Variants in RBPJ observed in about 807,000 individuals in gnomAD.
RBPJ encodes recombination signal binding protein for immunoglobulin kappa J region, also known as recombining binding protein suppressor of hairless.
A neutral mutation model predicts 67.8 loss-of-function variants in RBPJ; 9 were observed. The ratio of observed to expected loss-of-function variants is 0.13; its 90% CI spans 0.08 to 0.23. RBPJ has a LOEUF of 0.23. Among genes scored for constraint, RBPJ ranks in the 10% least tolerant of loss-of-function variants. The pLI, the probability that RBPJ is intolerant of heterozygous loss-of-function variation, is 1.00. For missense variants in RBPJ, 305 were observed against 595.6 expected, an observed-to-expected ratio of 0.51 and a Z score of 5.08; for synonymous variants, 198 against 203.3, an observed-to-expected ratio of 0.97 and a Z score of 0.22.
Position 26,363,810 on chromosome 4 carries a change from T to C in RBPJ, c.21-22543T>C, listed in dbSNP as rs558342991. On this transcript the variant is annotated intron_variant, in intron 1 of 10. Coordinates refer to ENST00000355476, the MANE Select transcript of RBPJ (RefSeq NM_015874.6). ...AACAATGTATGTATGCAGTTATTCA[T>C]GTGTTTGTGGTATATAGTTTTGCTG... is the stretch of plus-strand genomic sequence containing the variant. Among the ~76,000 whole-genome samples the C allele has an allele frequency of 1.5e-3, 232 of 152,360 alleles. 1 individual carries two copies. The highest frequency in any genetic ancestry group is 5.1e-3 in the African/African-American group (214 of 41,594).
At chr4:26,159,255 T>G (rs1371644939), upstream of RBPJ, among the ~76,000 whole-genome samples, 8 of 152,148 alleles carry the variant, frequency 5.3e-5, no homozygotes, top group Non-Finnish European at 1.0e-4. Context: ...TCTGAGGAAA[T>G]GGAGGCCTGG....
At chr4:26,411,855 C>T in intron 3 of RBPJ, among the ~76,000 whole-genome samples, 1 of 151,886 alleles carries the variant, frequency 6.6e-6, no homozygotes, top group South Asian at 2.1e-4. Context: ...CGCCTGTAAT[C>T]CCAGCACTTT....
At chr4:26,308,097 A>G (rs1055108692) in intron 1 of RBPJ, among the ~76,000 whole-genome samples, 1 of 152,210 alleles carries the variant, frequency 6.6e-6, no homozygotes, top group African/African-American at 2.4e-5. Flanking sequence ...TAACATGGTG[A>G]AACCCCGTCT....
At chr4:26,222,999 C>CA (rs1718965028) in intron 1 of RBPJ, among the ~76,000 whole-genome samples, 1 of 151,604 alleles carries the variant, frequency 6.6e-6, no homozygotes, top group East Asian at 1.9e-4. Context: ...ACTAAAAATA[C>CA]AAAAAATTAG....
the RBPJ span, among the ~76,000 whole-genome samples, chr4:26,109,631 T>A: frequency 3.0e-5 from 1 of 33,174 alleles, no homozygotes; most frequent in Non-Finnish European, 5.5e-5. Context: ...TTCCTCTCTC[T>A]CTCTCTCTCT....
At chr4:26,316,544 C>CATATATATT (rs1722637417), upstream of RBPJ, among the ~76,000 whole-genome samples, 1 of 138,790 alleles carries the variant, frequency 7.2e-6, no homozygotes, top group South Asian at 2.2e-4. Context: ...TATATATATT[C>CATATATATT]ATGTATATAT....
chr4:26,294,632 C>T (rs1006832141), intron 1 of RBPJ, among the ~76,000 whole-genome samples: 3 of 151,996 alleles, frequency 2.0e-5, no homozygotes, highest in African/African-American at 7.2e-5. Flanking sequence ...GTAATCTCAG[C>T]ATTTTGGGAG....
chr4:26,142,971 G>A, the RBPJ span, among the ~76,000 whole-genome samples: 1 of 152,212 alleles, frequency 6.6e-6, no homozygotes, highest in Non-Finnish European at 1.5e-5. Flanking sequence ...TAGTAGAGAT[G>A]GGGTTTCATC....
rs1163624896 is a variant in RBPJ at position 26,431,045 on chromosome 4, G to A, written c.*38G>A. Reference sequence around the variant, plus strand: ...TGCTAGGACTTAAACTGACTTGAGTGTGGCAAAAAGTTAACAAAAAAGGAG... The same window carrying A: ...TGCTAGGACTTAAACTGACTTGAGTATGGCAAAAAGTTAACAAAAAAGGAG... On this transcript the variant is annotated 3_prime_UTR_variant, in exon 11 of 11. Coordinates refer to ENST00000355476, the MANE Select transcript of RBPJ (RefSeq NM_015874.6). 4 of 1,544,850 alleles carry A rather than the reference G, an allele frequency of 2.6e-6. No individual in the cohort carries two copies. The highest frequency in any genetic ancestry group is 2.3e-5 in the East Asian group (1 of 44,242).
rs550053298 is a variant in RBPJ at position 26,389,553 on chromosome 4, C to T, written c.59+3162C>T. Among the ~76,000 whole-genome samples the T allele has an allele frequency of 6.7e-5, 9 of 133,498 alleles. No homozygotes were observed. In the South Asian group the frequency reaches 2.3e-3, roughly 35 times the overall value. The allele number at this position is 133,498 out of a possible 152,430, so 87.6% of individuals were successfully genotyped here. On this transcript the variant is annotated intron_variant, in intron 2 of 10. Coordinates refer to ENST00000355476, the MANE Select transcript of RBPJ (RefSeq NM_015874.6). ...AGCTACAGTGTTAAAATTCTTCAAG[C>T]AGAAGGATGATCATACTAGATAGAA...
At position 26,210,281 on chromosome 4, in the gene RBPJ, C is replaced by T. The variant is rs73112591; in HGVS notation, c.-167+46667C>T. 3.9e-3 allele frequency among the ~76,000 whole-genome samples: 592 copies of T among 152,214 alleles called. 6 individuals are homozygous for T. Among genetic ancestry groups the T allele is most frequent in the African/African-American group, 0.014 (573 of 41,522 alleles). On this transcript the variant is annotated intron_variant, in intron 1 of 4. Transcript: ENST00000512351. ...TGTAACTGCCGGTTCTTTCCCTTTC[C>T]GCACAGGATCCCCTCCTCTTCACTA...
At chr4:26,241,189 C>A (rs1719624207) in intron 1 of RBPJ, among the ~76,000 whole-genome samples, 1 of 150,262 alleles carries the variant, frequency 6.7e-6, no homozygotes, top group East Asian at 2.0e-4. Flanking sequence ...AGAGCAAGAC[C>A]CTGTCTCCAA....
At chr4:26,160,165 G>A (rs1174874641), upstream of RBPJ, among the ~76,000 whole-genome samples, 4 of 152,094 alleles carry the variant, frequency 2.6e-5, no homozygotes, top group African/African-American at 7.2e-5. Context: ...TGATCTGCCC[G>A]CCTCGGCCTC....
intron 1 of RBPJ, among the ~76,000 whole-genome samples, chr4:26,224,474 T>C (rs1356657006): frequency 2.0e-5 from 3 of 152,156 alleles, no homozygotes; most frequent in Non-Finnish European, 4.4e-5. Flanking sequence ...TTCTTTTCTA[T>C]TTTCCCTAAG....
chr4:26,300,246 C>A (rs992290343), intron 1 of RBPJ, among the ~76,000 whole-genome samples: 1 of 142,442 alleles, frequency 7.0e-6, no homozygotes, highest in Non-Finnish European at 1.5e-5. Flanking sequence ...TGTGTATGGG[C>A]AGGGGTGGGG....
At chr4:26,394,285 C>T (rs1414077749) in intron 2 of RBPJ, among the ~76,000 whole-genome samples, 2 of 152,040 alleles carry the variant, frequency 1.3e-5, no homozygotes, top group Non-Finnish European at 2.9e-5. Flanking sequence ...CCTTGGCCTC[C>T]CAAAATGCTG....
At chr4:26,242,012 A>C (rs1362318699) in intron 1 of RBPJ, among the ~76,000 whole-genome samples, 1 of 152,170 alleles carries the variant, frequency 6.6e-6, no homozygotes, top group East Asian at 1.9e-4. Flanking sequence ...ATTTGTTCAT[A>C]TATTCATTCA....
chr4:26,280,016 A>T (rs1721212588), intron 1 of RBPJ, among the ~76,000 whole-genome samples: 1 of 150,964 alleles, frequency 6.6e-6, no homozygotes, highest in Non-Finnish European at 1.5e-5. Context: ...GCAACTCCTG[A>T]TCTTAAGAAA....
At chr4:26,175,919 T>TA in intron 1 of RBPJ, among the ~76,000 whole-genome samples, 1 of 152,250 alleles carries the variant, frequency 6.6e-6, no homozygotes, top group Non-Finnish European at 1.5e-5. Context: ...GGCAAGGTGT[T>TA]ACGCACCTTC....
Sources: allele counts gnomAD v4.1 joint callset (sites outside exome capture counted in the v4.1 genomes callset), GRCh38; gene constraint gnomAD v4.1.1; transcripts MANE v1.5; gene names NCBI Gene and HGNC (gene_info 2026-07-23, HGNC 2026-07-21).